The following RGS7BP variants were observed in gnomAD, a reference collection of about 807,000 sequenced individuals.
RGS7BP encodes the protein regulator of G protein signaling 7 binding protein.
A neutral mutation model predicts 31.3 loss-of-function variants in RGS7BP; 9 were observed. The ratio of observed to expected loss-of-function variants is 0.29; its 90% CI spans 0.17 to 0.50. RGS7BP has a LOEUF of 0.50. Ranked by LOEUF, RGS7BP falls within the 20% of genes least tolerant of loss-of-function variation. The pLI is 0.98. For missense variants in RGS7BP, 274 were observed against 322.0 expected (o/e 0.85, Z 1.14); for synonymous variants, 115 against 120.1 (o/e 0.96, Z 0.28).
intron 1 of RGS7BP, 22 bp from the exon 2 acceptor site, chr5:64,507,689 A>G: frequency 6.4e-7 from 1 of 1,553,810 alleles, no homozygotes; most frequent in Non-Finnish European, 8.7e-7. Context: ...GGTAAAAAAA[A>G]AAAAACTCAC....
At chr5:64,558,509 C>T (rs559376234) in intron 2 of RGS7BP, among the ~76,000 whole-genome samples, 1 of 152,132 alleles carries the variant, frequency 6.6e-6, no homozygotes, top group Non-Finnish European at 1.5e-5. Flanking sequence ...CCTTCATAAG[C>T]TGAGGATGTA....
intron 3 of RGS7BP, 48 bp from the exon 4 acceptor site, chr5:64,594,662 T>C: frequency 6.2e-7 from 1 of 1,603,696 alleles, no homozygotes; most frequent in Non-Finnish European, 8.5e-7. Flanking sequence ...AACCTGCCTT[T>C]ATGATTTCTT....
At chr5:64,596,499 A>C (rs1743071902) in intron 4 of RGS7BP, among the ~76,000 whole-genome samples, 1 of 152,138 alleles carries the variant, frequency 6.6e-6, no homozygotes, top group African/African-American at 2.4e-5. Context: ...GCTTTATTAG[A>C]GGAGACAGTG....
intron 2 of RGS7BP, among the ~76,000 whole-genome samples, chr5:64,566,272 G>A (rs1192134414): frequency 6.6e-6 from 1 of 152,018 alleles, no homozygotes; most frequent in East Asian, 1.9e-4. Flanking sequence ...TGTTTTCTTA[G>A]TTTAAAATAA....
At chr5:64,566,759 G>T (rs1267722735) in intron 2 of RGS7BP, among the ~76,000 whole-genome samples, 1 of 151,872 alleles carries the variant, frequency 6.6e-6, no homozygotes, top group East Asian at 1.9e-4. Flanking sequence ...GGGGTTTATT[G>T]TGTAGACTGT....
intron 2 of RGS7BP, among the ~76,000 whole-genome samples, chr5:64,560,543 G>GTATATATATA (rs35400833): frequency 9.5e-5 from 14 of 147,246 alleles, no homozygotes; most frequent in African/African-American, 3.5e-4. Context: ...TAATATCATT[G>GTATATATATA]TATATATATA....
intron 2 of RGS7BP, among the ~76,000 whole-genome samples, chr5:64,567,918 A>G (rs1443513160): frequency 6.6e-6 from 1 of 152,122 alleles, no homozygotes; most frequent in Non-Finnish European, 1.5e-5. Flanking sequence ...ATGATAATTG[A>G]CCTTTGAAGA....
chr5:64,609,430 G>A lies in RGS7BP; in HGVS notation c.*178G>A, dbSNP rs530322464. On this transcript the variant is annotated 3_prime_UTR_variant, in exon 6 of 6. Coordinates refer to ENST00000334025, the MANE Select transcript of RGS7BP (RefSeq NM_001029875.3). Reference sequence around the variant, plus strand: ...GATTTTACACTTGAAAGCAGCTGCCGTCAAGAAAAAAAAGAACAGATTCAA... The same window carrying A: ...GATTTTACACTTGAAAGCAGCTGCCATCAAGAAAAAAAAGAACAGATTCAA... The A allele has an allele frequency of 8.7e-5, 47 of 541,154 alleles. No individual in the cohort carries two copies. The highest frequency in any genetic ancestry group is 2.8e-4 in the Middle Eastern group (1 of 3,556). 33.5% of individuals were successfully genotyped at this position (541,154 alleles called of 1,614,324 possible). A position where few individuals can be genotyped will look rare whatever the true frequency, so the allele number is the denominator to read the frequency against.
At chr5:64,549,823 T>C (rs1269165358) in intron 2 of RGS7BP, among the ~76,000 whole-genome samples, 1 of 152,208 alleles carries the variant, frequency 6.6e-6, no homozygotes, top group Non-Finnish European at 1.5e-5. Flanking sequence ...GGTTTCTTTT[T>C]GCTAAACAAT....
At chr5:64,597,903 A>T (rs1743116805) in intron 4 of RGS7BP, among the ~76,000 whole-genome samples, 1 of 152,212 alleles carries the variant, frequency 6.6e-6, no homozygotes, top group Admixed American at 6.5e-5. Context: ...AAATTTTAAC[A>T]AACGAGCAAA....
At chr5:64,587,523 T>C (rs12514271) in intron 3 of RGS7BP, among the ~76,000 whole-genome samples, 52,489 of 151,876 alleles carry the variant, frequency 0.35, 9,346 homozygotes, top group South Asian at 0.4. Context: ...ATGCTCAAAA[T>C]TGCATTAAGG....
intron 2 of RGS7BP, among the ~76,000 whole-genome samples, chr5:64,545,349 C>T (rs1003065908): frequency 6.6e-6 from 1 of 151,578 alleles, no homozygotes; most frequent in Non-Finnish European, 1.5e-5. Flanking sequence ...ACCAACATGG[C>T]ACATGTATAA....
At chr5:64,538,145 G>T (rs1418880755) in intron 2 of RGS7BP, among the ~76,000 whole-genome samples, 1 of 152,068 alleles carries the variant, frequency 6.6e-6, no homozygotes, top group African/African-American at 2.4e-5. Context: ...TATTATCAAA[G>T]ATATGAATGC....
chr5:64,566,657 C>T (rs1391628839), intron 2 of RGS7BP, among the ~76,000 whole-genome samples: 2 of 151,872 alleles, frequency 1.3e-5, no homozygotes, highest in African/African-American at 4.8e-5. Context: ...AGTTTGAGGA[C>T]AAGTAAAATT....
chr5:64,545,377 C>T (rs566672091), intron 2 of RGS7BP, among the ~76,000 whole-genome samples: 4 of 151,234 alleles, frequency 2.6e-5, no homozygotes, highest in East Asian at 1.9e-4. Flanking sequence ...CAAACCTGCA[C>T]GTTGTGCACA....
chr5:64,567,958 T>A (rs1431697917), intron 2 of RGS7BP, among the ~76,000 whole-genome samples: 2 of 152,088 alleles, frequency 1.3e-5, no homozygotes, highest in Non-Finnish European at 2.9e-5. Flanking sequence ...ATAGTAAGCA[T>A]CAGAGGCTGA....
intron 2 of RGS7BP, among the ~76,000 whole-genome samples, chr5:64,552,541 A>G (rs1029046895): frequency 6.6e-6 from 1 of 152,174 alleles, no homozygotes; most frequent in Admixed American, 6.5e-5. Flanking sequence ...CATACCTAAC[A>G]TATCTTCATT....
At chr5:64,521,316 G>A (rs1042527623) in intron 2 of RGS7BP, among the ~76,000 whole-genome samples, 9 of 152,192 alleles carry the variant, frequency 5.9e-5, no homozygotes, top group East Asian at 5.8e-4. Flanking sequence ...GGAATGCAGC[G>A]CCGTGGCCTT....
intron 2 of RGS7BP, among the ~76,000 whole-genome samples, chr5:64,554,136 A>T (rs1351417037): frequency 6.6e-6 from 1 of 152,136 alleles, no homozygotes; most frequent in African/African-American, 2.4e-5. Flanking sequence ...GGCTTGGTCA[A>T]TCGGGAACTC....
Sources: gnomAD v4.1 joint callset for allele counts (sites outside exome capture counted in the v4.1 genomes callset) on GRCh38, gnomAD v4.1.1 for gene constraint, MANE v1.5 for transcripts, NCBI Gene and HGNC (gene_info 2026-07-23, HGNC 2026-07-21) for gene names.